The following SCMH1 variants were observed in gnomAD, a reference collection of about 807,000 sequenced individuals.
SCMH1 encodes the protein Scm polycomb group protein homolog 1.
Under a neutral mutation model 70.8 loss-of-function variants are expected in SCMH1, and 37 were observed. The observed-to-expected ratio is 0.52, with a 90% CI of 0.40 to 0.69. The LOEUF (loss-of-function observed/expected upper bound fraction) is 0.69. Among genes scored for constraint, SCMH1 ranks in the 30% least tolerant of loss-of-function variants. The probability of loss-of-function intolerance (pLI) is 0.00; values close to 1 mark genes in which losing one functional copy is unlikely to be tolerated. For missense variants in SCMH1, 607 were observed against 827.3 expected (o/e 0.73, Z 3.27); for synonymous variants, 292 against 307.4 (o/e 0.95, Z 0.52).
At chr1:41,196,151 T>C (rs1652967130) in intron 1 of SCMH1, among the ~76,000 whole-genome samples, 1 of 152,090 alleles carries the variant, frequency 6.6e-6, no homozygotes, top group South Asian at 2.1e-4. Context: ...TCCAAAGCAA[T>C]CTACAGATTC....
At chr1:41,080,108 G>C (rs567102901) in intron 8 of SCMH1, among the ~76,000 whole-genome samples, 1 of 151,054 alleles carries the variant, frequency 6.6e-6, no homozygotes, top group Non-Finnish European at 1.5e-5. Context: ...CTGTTTGTTT[G>C]TTCCATTATT....
chr1:41,028,931 T>G (rs1327851988), intron 13 of SCMH1, among the ~76,000 whole-genome samples: 4 of 150,702 alleles, frequency 2.7e-5, no homozygotes, highest in Non-Finnish European at 5.9e-5. Flanking sequence ...GTAGATCTGA[T>G]TTTTGGAAAT....
intron 6 of SCMH1, among the ~76,000 whole-genome samples, chr1:41,130,776 C>T (rs903017160): frequency 3.9e-5 from 6 of 152,110 alleles, no homozygotes; most frequent in Non-Finnish European, 8.8e-5. Flanking sequence ...GGCCCAATAC[C>T]TATTAGCAGC....
At chr1:41,030,291 C>T (rs1571119311) in intron 13 of SCMH1, among the ~76,000 whole-genome samples, 1 of 152,184 alleles carries the variant, frequency 6.6e-6, no homozygotes, top group Non-Finnish European at 1.5e-5. Flanking sequence ...GCAGTGGCCT[C>T]CCTTTGCATA....
intron 4 of SCMH1, among the ~76,000 whole-genome samples, chr1:41,158,469 T>A (rs1645744491): frequency 6.6e-6 from 1 of 151,964 alleles, no homozygotes; most frequent in African/African-American, 2.4e-5. Context: ...TAAGCAGGAG[T>A]CAAAGAAAAA....
chr1:41,166,857 G>A (rs139230222), intron 2 of SCMH1, among the ~76,000 whole-genome samples: 75 of 151,856 alleles, frequency 4.9e-4, no homozygotes, highest in Non-Finnish European at 5.6e-4. Flanking sequence ...CTAATTGCTC[G>A]GGCTAGGACT....
At chr1:41,215,398 C>A (rs1657873957) in intron 1 of SCMH1, among the ~76,000 whole-genome samples, 2 of 152,176 alleles carry the variant, frequency 1.3e-5, no homozygotes, top group South Asian at 2.1e-4. Context: ...CATAACACTT[C>A]AAAACCTAAA....
At chr1:41,061,763 C>T (rs982193818) in intron 10 of SCMH1, among the ~76,000 whole-genome samples, 13 of 152,218 alleles carry the variant, frequency 8.5e-5, no homozygotes, top group African/African-American at 2.9e-4. Flanking sequence ...CATCCAACAA[C>T]AGCAGGATAC....
chr1:41,056,156 A>T (rs1423159102), intron 10 of SCMH1, among the ~76,000 whole-genome samples: 1 of 152,194 alleles, frequency 6.6e-6, no homozygotes, highest in Non-Finnish European at 1.5e-5. Flanking sequence ...AGAAAATGGT[A>T]GCTTTCACTT....
At chr1:41,071,987 G>A (rs1656696438) in intron 9 of SCMH1, among the ~76,000 whole-genome samples, 1 of 152,132 alleles carries the variant, frequency 6.6e-6, no homozygotes, top group South Asian at 2.1e-4. Context: ...AATGCAAGGA[G>A]AACATAACCA....
intron 1 of SCMH1, among the ~76,000 whole-genome samples, chr1:41,235,214 A>G (rs1662119069): frequency 6.6e-6 from 1 of 152,180 alleles, no homozygotes; most frequent in African/African-American, 2.4e-5. Flanking sequence ...GGTGAGTAAA[A>G]AATTTTATGA....
intron 4 of SCMH1, among the ~76,000 whole-genome samples, chr1:41,158,847 G>T (rs1429039696): frequency 2.0e-5 from 3 of 152,110 alleles, no homozygotes; most frequent in African/African-American, 7.2e-5. Context: ...AGTCCCTAGA[G>T]CTTCTCTCTA....
At chr1:41,210,214 C>A (rs1260808291) in intron 1 of SCMH1, among the ~76,000 whole-genome samples, 1 of 152,154 alleles carries the variant, frequency 6.6e-6, no homozygotes, top group Non-Finnish European at 1.5e-5. Flanking sequence ...AAACAGGACA[C>A]AAACAAATGG....
chr1:41,043,946 A>T (rs1646571035), intron 12 of SCMH1: 1 of 152,230 alleles, frequency 6.6e-6, no homozygotes, highest in Non-Finnish European at 1.5e-5. Flanking sequence ...GGAGAAACAG[A>T]CGAAGTAAAT....
At chr1:41,225,212 C>T (rs972127675) in intron 1 of SCMH1, among the ~76,000 whole-genome samples, 3 of 152,158 alleles carry the variant, frequency 2.0e-5, no homozygotes, top group African/African-American at 4.8e-5. Flanking sequence ...CAAGTTCACA[C>T]GAGAACCTGG....
intron 10 of SCMH1, among the ~76,000 whole-genome samples, chr1:41,058,118 C>CAAAAAAAAAAAAAAAAATAAAAAA (rs201623540): frequency 1.8e-5 from 1 of 54,868 alleles, no homozygotes. Context: ...GAGATTGTCT[C>CAAAAAAAAAAAAAAAAATAAAAAA]AAAAAAAAAA....
At chr1:41,173,117 G>C (rs960206929) in intron 2 of SCMH1, among the ~76,000 whole-genome samples, 1 of 152,010 alleles carries the variant, frequency 6.6e-6, no homozygotes, top group African/African-American at 2.4e-5. Context: ...AAACTAAAAA[G>C]CTTCTGCACA....
At chr1:41,101,692 T>G (rs139834594) in intron 8 of SCMH1, among the ~76,000 whole-genome samples, 1 of 152,244 alleles carries the variant, frequency 6.6e-6, no homozygotes, top group Admixed American at 6.5e-5. Flanking sequence ...CCGCTGTTTT[T>G]TTCAAGCAAA....
At chr1:41,102,236 C>T (rs1208572533) in intron 8 of SCMH1, among the ~76,000 whole-genome samples, 1 of 152,130 alleles carries the variant, frequency 6.6e-6, no homozygotes, top group Non-Finnish European at 1.5e-5. Context: ...AAAAAAAGAG[C>T]TGGGGAAAAT....
Sources: gnomAD v4.1 joint callset for allele counts (sites outside exome capture counted in the v4.1 genomes callset) on GRCh38, gnomAD v4.1.1 for gene constraint, MANE v1.5 for transcripts, NCBI Gene and HGNC (gene_info 2026-07-23, HGNC 2026-07-21) for gene names.